Variants in TAFA2 observed in about 807,000 individuals in gnomAD.
The protein encoded by TAFA2 is TAFA chemokine like family member 2.
In TAFA2, 7 loss-of-function variants were observed where a neutral mutation model predicts 18.8. The observed-to-expected ratio is 0.37, with a 90% CI of 0.21 to 0.70. The LOEUF (loss-of-function observed/expected upper bound fraction) is 0.70. TAFA2 is among the 30% of genes least tolerant of loss of function. The pLI, the probability that TAFA2 is intolerant of heterozygous loss-of-function variation, is 0.53. For missense variants in TAFA2, 122 were observed against 158.1 expected, an observed-to-expected ratio of 0.77 and a Z score of 1.23; for synonymous variants, 60 against 54.2, an observed-to-expected ratio of 1.11 and a Z score of -0.47.
intron 1 of TAFA2, among the ~76,000 whole-genome samples, chr12:62,208,921 C>G (rs2062702833): frequency 6.6e-6 from 1 of 152,238 alleles, no homozygotes; most frequent in African/African-American, 2.4e-5. Flanking sequence ...GGTTATCTCT[C>G]TGTTGACTTT....
intron 2 of TAFA2, among the ~76,000 whole-genome samples, chr12:61,761,500 G>A (rs1397407306): frequency 6.6e-6 from 1 of 151,938 alleles, no homozygotes; most frequent in Non-Finnish European, 1.5e-5. Context: ...ACTAACTTAT[G>A]TATATTACAT....
chr12:62,092,464 T>C (rs1192626844), intron 1 of TAFA2, among the ~76,000 whole-genome samples: 1 of 151,962 alleles, frequency 6.6e-6, no homozygotes, highest in Non-Finnish European at 1.5e-5. Context: ...GACCCTCCAG[T>C]TTGATAAATC....
chr12:61,751,702 A>G (rs1375288096), intron 4 of TAFA2, among the ~76,000 whole-genome samples: 1 of 152,056 alleles, frequency 6.6e-6, no homozygotes, highest in Admixed American at 6.6e-5. Context: ...AAAACAAATT[A>G]TAGGATGTAG....
chr12:62,102,211 T>G (rs1413418876), intron 1 of TAFA2, among the ~76,000 whole-genome samples: 1 of 152,186 alleles, frequency 6.6e-6, no homozygotes, highest in Non-Finnish European at 1.5e-5. Flanking sequence ...TCAGGGGAGA[T>G]TCACTAGAAT....
chr12:61,737,369 T>C (rs1868321536), intron 4 of TAFA2, among the ~76,000 whole-genome samples: 1 of 151,946 alleles, frequency 6.6e-6, no homozygotes, highest in Non-Finnish European at 1.5e-5. Context: ...TTACCATGAA[T>C]AATTAAAATT....
chr12:61,830,058 T>C (rs1189131449), intron 2 of TAFA2, among the ~76,000 whole-genome samples: 1 of 151,574 alleles, frequency 6.6e-6, no homozygotes, highest in Non-Finnish European at 1.5e-5. Context: ...CTTGTACTGG[T>C]ATATTTATCA....
intron 1 of TAFA2, among the ~76,000 whole-genome samples, chr12:61,941,531 A>C (rs1270032736): frequency 6.6e-6 from 1 of 152,172 alleles, no homozygotes; most frequent in Non-Finnish European, 1.5e-5. Flanking sequence ...CTGCATTTCC[A>C]TCTGAGGTAC....
Position 62,176,195 on chromosome 12 carries a change from A to G in TAFA2, c.-2+15064T>C, listed in dbSNP as rs115279230. On this transcript the variant is annotated intron_variant, in intron 1 of 4. Transcript: ENST00000416284. ...TTTTATTCTGCCATTTGTTACAAAT[A>G]AAATTAATTTAAAATAGATTTACTT... 5.2e-3 allele frequency among the ~76,000 whole-genome samples: 791 copies of G among 152,346 alleles called. 9 individuals are homozygous for G. Among genetic ancestry groups the G allele is most frequent in the African/African-American group, 0.018 (749 of 41,586 alleles).
intron 1 of TAFA2, among the ~76,000 whole-genome samples, chr12:61,966,773 G>C (rs1414314019): frequency 6.6e-6 from 1 of 151,866 alleles, no homozygotes; most frequent in Non-Finnish European, 1.5e-5. Context: ...TGAGTGTTTT[G>C]CTCTCACTTG....
At chr12:62,232,987 A>G (rs2062818530) in intron 1 of TAFA2, among the ~76,000 whole-genome samples, 1 of 148,004 alleles carries the variant, frequency 6.8e-6, no homozygotes, top group East Asian at 2.0e-4. Flanking sequence ...TCAAACCACA[A>G]CTTTCAAGAA....
intron 1 of TAFA2, among the ~76,000 whole-genome samples, chr12:62,095,407 G>C (rs1185031871): frequency 6.6e-6 from 1 of 152,142 alleles, no homozygotes; most frequent in Non-Finnish European, 1.5e-5. Context: ...AGAATAAAGT[G>C]GGTGGTTAGG....
At chr12:61,880,006 T>C (rs917311086) in intron 1 of TAFA2, 24 of 769,824 alleles carry the variant, frequency 3.1e-5, no homozygotes, top group East Asian at 1.2e-4. Flanking sequence ...GGCAGCTGCA[T>C]GAAGAGGAGA....
At chr12:62,249,156 G>C (rs2062900085) in intron 1 of TAFA2, among the ~76,000 whole-genome samples, 1 of 151,006 alleles carries the variant, frequency 6.6e-6, no homozygotes, top group Admixed American at 6.6e-5. Context: ...CCCTCACCCA[G>C]TATCTTCATG....
chr12:62,221,578 A>G (rs563021811), intron 1 of TAFA2, among the ~76,000 whole-genome samples: 2 of 152,324 alleles, frequency 1.3e-5, no homozygotes, highest in South Asian at 4.1e-4. Flanking sequence ...AATATATGAC[A>G]GCAGTGGCAC....
At chr12:62,098,783 G>T (rs1285480580) in intron 1 of TAFA2, among the ~76,000 whole-genome samples, 1 of 152,084 alleles carries the variant, frequency 6.6e-6, no homozygotes, top group Admixed American at 6.5e-5. Context: ...GAGACTTAAA[G>T]ATATTAAAAT....
chr12:61,898,024 T>C (rs1025906226), intron 1 of TAFA2, among the ~76,000 whole-genome samples: 3 of 152,228 alleles, frequency 2.0e-5, no homozygotes, highest in African/African-American at 7.2e-5. Flanking sequence ...CAAGGGGCTA[T>C]AGGCCCCAAG....
intron 1 of TAFA2, among the ~76,000 whole-genome samples, chr12:61,887,981 G>T (rs1484046507): frequency 6.6e-6 from 1 of 152,012 alleles, no homozygotes; most frequent in African/African-American, 2.4e-5. Flanking sequence ...ATGAAAAAAT[G>T]CTCACCATCA....
intron 1 of TAFA2, among the ~76,000 whole-genome samples, chr12:62,126,147 T>G (rs1870449761): frequency 6.6e-6 from 1 of 152,112 alleles, no homozygotes; most frequent in Admixed American, 6.6e-5. Context: ...AAGTCTTTAT[T>G]AATTCATTGA....
At chr12:62,076,864 C>T (rs1002044119) in intron 1 of TAFA2, among the ~76,000 whole-genome samples, 1 of 152,154 alleles carries the variant, frequency 6.6e-6, no homozygotes, top group Non-Finnish European at 1.5e-5. Flanking sequence ...TGCAGAGCTG[C>T]TCAGAGCAGC....
Sources: gnomAD v4.1 joint callset for allele counts (sites outside exome capture counted in the v4.1 genomes callset) on GRCh38, gnomAD v4.1.1 for gene constraint, MANE v1.5 for transcripts, NCBI Gene and HGNC (gene_info 2026-07-23, HGNC 2026-07-21) for gene names.